The following FBN1 variants were observed in gnomAD, a reference collection of about 807,000 sequenced individuals.
FBN1 encodes the protein fibrillin-1.
Under a neutral mutation model 365.1 loss-of-function variants are expected in FBN1, and 29 were observed. The ratio of observed to expected loss-of-function variants is 0.08; its 90% confidence interval spans 0.06 to 0.11. The LOEUF is 0.11. Among genes scored for constraint, FBN1 ranks in the 10% least tolerant of loss-of-function variants. The pLI is 1.00. For synonymous variants in FBN1, 1,210 were observed against 1,270.5 expected, an observed-to-expected ratio of 0.95 and a Z score of 1.01; for missense variants, 2,476 against 3,703.2, an observed-to-expected ratio of 0.67 and a Z score of 8.60.
chr15:48,412,748 A>C lies in FBN1; in HGVS notation c.8052-5T>G. 1.2e-6 allele frequency: 2 copies of C among 1,614,084 alleles called. No individual in the cohort carries two copies. Among genetic ancestry groups the C allele is most frequent in the Non-Finnish European group, 1.7e-6 (2 of 1,180,030 alleles). ...CCCATTCCAGAAACACAGTGCCTGCAGCAGAAGGGGAGCATAGATGTTTTT... is the reference window on the plus strand; with the variant it reads ...CCCATTCCAGAAACACAGTGCCTGCCGCAGAAGGGGAGCATAGATGTTTTT... On this transcript the variant is annotated splice_polypyrimidine_tract_variant and splice_region_variant and intron_variant, in intron 64 of 65. Transcript: ENST00000316623.
At position 48,621,993 on chromosome 15, in the gene FBN1, G is replaced by A. The variant is rs567191181; in HGVS notation, c.165-8901C>T. Among the ~76,000 whole-genome samples the A allele has an allele frequency of 3.2e-3, 461 of 145,828 alleles. 2 individuals are homozygous for A. The highest frequency in any genetic ancestry group is 5.7e-3 in the Non-Finnish European group (380 of 66,858). On this transcript the variant is annotated intron_variant, in intron 2 of 65. Transcript: ENST00000316623. ...AGCCTGGGTGACAGAGCGAGACTCT[G>A]TCTCAAAAAAAAAAAAAAGAAAAAA...
Position 48,410,895 on chromosome 15 carries a change from T to A in FBN1, c.*95A>T. 1 of 1,204,590 alleles carries A rather than the reference T, an allele frequency of 8.3e-7. No homozygotes were observed. The allele number at this position is 1,204,590 out of a possible 1,614,324, so 74.6% of individuals were successfully genotyped here. On this transcript the variant is annotated 3_prime_UTR_variant, in exon 66 of 66. Coordinates refer to ENST00000316623, the MANE Select transcript of FBN1 (RefSeq NM_000138.5). ...TATACAAATTTACTTGGTGAAAGAT[T>A]GTACCTATGATATGATGATTCTGAT... is the stretch of plus-strand genomic sequence containing the variant.
At chr15:48,600,639 A>G (rs1009949427) in intron 4 of FBN1, among the ~76,000 whole-genome samples, 7 of 152,178 alleles carry the variant, frequency 4.6e-5, no homozygotes, top group Non-Finnish European at 1.0e-4. Flanking sequence ...GGGGGGGCAG[A>G]GGTTGTAGTG....
At chr15:48,577,001 C>A (rs1176043335) in intron 6 of FBN1, among the ~76,000 whole-genome samples, 4 of 152,162 alleles carry the variant, frequency 2.6e-5, no homozygotes, top group Non-Finnish European at 5.9e-5. Context: ...TGCTTTCCTG[C>A]ATTAGCATCC....
At chr15:48,549,175 TGAA>T (rs2044122053) in intron 6 of FBN1, among the ~76,000 whole-genome samples, 1 of 152,232 alleles carries the variant, frequency 6.6e-6, no homozygotes, top group South Asian at 2.1e-4. Context: ...GTTCTTAACT[TGAA>T]GACCACAATT....
At chr15:48,593,466 T>C (rs1277759895) in intron 6 of FBN1, among the ~76,000 whole-genome samples, 1 of 152,228 alleles carries the variant, frequency 6.6e-6, no homozygotes, top group Admixed American at 6.5e-5. Context: ...GACAGTCTTG[T>C]GGACCTGAAA....
intron 6 of FBN1, among the ~76,000 whole-genome samples, chr15:48,545,928 G>C (rs2044090243): frequency 6.6e-6 from 1 of 152,026 alleles, no homozygotes; most frequent in Non-Finnish European, 1.5e-5. Flanking sequence ...AAGAGGCTGA[G>C]GTGTGAGGAT....
chr15:48,605,162 C>T (rs2044597423), intron 4 of FBN1, among the ~76,000 whole-genome samples: 1 of 152,146 alleles, frequency 6.6e-6, no homozygotes, highest in South Asian at 2.1e-4. Flanking sequence ...GATTAATCTA[C>T]AGTTTTTACA....
At chr15:48,566,961 C>T (rs1449104993) in intron 6 of FBN1, among the ~76,000 whole-genome samples, 3 of 152,182 alleles carry the variant, frequency 2.0e-5, no homozygotes, top group Non-Finnish European at 4.4e-5. Flanking sequence ...CAGCAGCAGC[C>T]GCATCACCAT....
chr15:48,645,048 G>C (rs1890272092), intron 1 of FBN1, 98 bp from the exon 2 acceptor site: 1 of 276,590 alleles, frequency 3.6e-6, no homozygotes, highest in Non-Finnish European at 6.6e-6. Context: ...CCCGTGCGCC[G>C]CCTGCGCGTG....
intron 42 of FBN1, among the ~76,000 whole-genome samples, chr15:48,462,716 A>C (rs1452893735): frequency 6.6e-6 from 1 of 152,222 alleles, no homozygotes; most frequent in African/African-American, 2.4e-5. Flanking sequence ...GTTTAGCTTT[A>C]AATAAGTAAA....
At chr15:48,456,869 T>TGTGTGTGTGC (rs371116530) in intron 43 of FBN1, 107 bp from the exon 44 acceptor site, 13 of 1,086,482 alleles carry the variant, frequency 1.2e-5, no homozygotes, top group Non-Finnish European at 1.1e-5. Flanking sequence ...TGTGTGTGTG[T>TGTGTGTGTGC]GTGCGTGCAT....
chr15:48,558,773 A>G (rs770351948), intron 6 of FBN1, among the ~76,000 whole-genome samples: 2 of 152,210 alleles, frequency 1.3e-5, no homozygotes, highest in East Asian at 3.8e-4. Flanking sequence ...TCTGACAATC[A>G]ATGTTTATAA....
At chr15:48,642,734 A>C (rs1045736458) in intron 2 of FBN1, 2 of 152,046 alleles carry the variant, frequency 1.3e-5, no homozygotes, top group Non-Finnish European at 2.9e-5. Flanking sequence ...TATAATTAAC[A>C]TGAGAATTAG....
At chr15:48,555,368 G>C (rs1180332908) in intron 6 of FBN1, among the ~76,000 whole-genome samples, 2 of 152,148 alleles carry the variant, frequency 1.3e-5, no homozygotes, top group Admixed American at 1.3e-4. Context: ...AATCTGTGGA[G>C]ACTATTTGGC....
intron 6 of FBN1, among the ~76,000 whole-genome samples, chr15:48,568,253 C>G (rs974396903): frequency 1.3e-5 from 2 of 150,820 alleles, no homozygotes; most frequent in African/African-American, 4.9e-5. Flanking sequence ...AATTACAAAG[C>G]AATTCAATTC....
At chr15:48,509,596 A>G (rs192859354) in intron 14 of FBN1, among the ~76,000 whole-genome samples, 1 of 146,786 alleles carries the variant, frequency 6.8e-6, no homozygotes, top group East Asian at 2.1e-4. Flanking sequence ...CATATATAGA[A>G]AATATACATA....
intron 42 of FBN1, among the ~76,000 whole-genome samples, chr15:48,462,090 T>C (rs1294759928): frequency 6.6e-6 from 1 of 152,214 alleles, no homozygotes; most frequent in Non-Finnish European, 1.5e-5. Context: ...TAATACATTT[T>C]ACTAAAAAAC....
intron 2 of FBN1, chr15:48,641,868 A>C (rs977977410): frequency 3.3e-5 from 5 of 152,248 alleles, no homozygotes; most frequent in African/African-American, 1.2e-4. Context: ...AGAGGGAATA[A>C]ATTTAAAATG....
Sources: allele counts gnomAD v4.1 joint callset (sites outside exome capture counted in the v4.1 genomes callset), GRCh38; gene constraint gnomAD v4.1.1; transcripts MANE v1.5; gene names NCBI Gene and HGNC (gene_info 2026-07-23, HGNC 2026-07-21).